SLC27A5: variants seen among roughly 807,000 people sequenced by gnomAD.
The protein encoded by SLC27A5 is long-chain fatty acid transport protein 5.
A neutral mutation model predicts 63.1 loss-of-function variants in SLC27A5; 47 were observed. The ratio of observed to expected loss-of-function variants is 0.74; its 90% CI spans 0.59 to 0.95. The LOEUF is 0.95. SLC27A5 is among the 40% of genes least tolerant of loss of function. The probability of loss-of-function intolerance (pLI) is 0.00; values close to 1 mark genes in which losing one functional copy is unlikely to be tolerated. For synonymous variants in SLC27A5, 391 were observed against 403.8 expected (o/e 0.97, Z 0.38); for missense variants, 940 against 921.0 (o/e 1.02, Z -0.27).
In SLC27A5 at chr19:58,498,829, C is replaced by T. The variant is rs757763999; in HGVS notation, c.1852G>A (p.Ala618Thr). 1.8e-5 allele frequency: 29 copies of T among 1,613,884 alleles called. No homozygotes were observed. The African/African-American group carries it at 2.5e-4, about 14-fold the overall frequency. The change falls in exon 9 of 10, where the codon GCT becomes ACT. Residue 618 changes from alanine (A) to threonine (T), a missense_variant. By Grantham distance (58) the Ala-to-Thr change is moderately conservative. Transcript: ENST00000263093. ...DGEKLYQHVR[A>T]WLPAYATPHF... ...GGGGTAGCGTAGGCAGGGAGCCAAG[C>T]GCGAACGTGCTGGTACAACTTCTCC... is the stretch of plus-strand genomic sequence containing the variant.
chr19:58,498,906 C>T lies in SLC27A5; in HGVS notation c.1775G>A (p.Gly592Asp). 1 of 1,612,386 alleles carries T rather than the reference C, an allele frequency of 6.2e-7. No homozygotes were observed. ...CTGCACAGCAGCCATGCCCACCTTA[C>T]CCTCACAACCTAGAGAGCAGTCTGG... ...VYGVCVPGCE[G>D]KVGMAAVQLA... Residue 592 changes from glycine (G) to aspartate (D), a missense_variant, in exon 9 of 10, where the codon GGT becomes GAT. Gly to Asp is a moderately conservative substitution (Grantham distance 94). Coordinates refer to ENST00000263093, the MANE Select transcript of SLC27A5 (RefSeq NM_012254.3).
Position 58,511,717 on chromosome 19 carries a change from A to G in SLC27A5, c.239T>C (p.Leu80Pro). ...ALALTLLPAR[L>P]PPGLRWLPAD... ...CGGCAGCCAGCGTAGTCCTGGGGGC[A>G]GCCGTGCTGGCAGGAGGGTTAGTGC... The change falls in exon 1 of 10, where the codon CTG becomes CCG. Residue 80 changes from leucine to proline, a missense_variant. Leu to Pro is a moderately conservative substitution (Grantham distance 98). Transcript: ENST00000263093. The G allele has an allele frequency of 6.4e-7, 1 of 1,558,870 alleles. No homozygotes were observed. The highest frequency in any genetic ancestry group is 8.7e-7 in the Non-Finnish European group (1 of 1,150,928).
intron 1 of SLC27A5, 108 bp downstream of exon 1, chr19:58,511,160 A>C: frequency 8.3e-7 from 1 of 1,198,624 alleles, no homozygotes; most frequent in Non-Finnish European, 1.1e-6. Context: ...ATTGCCTGTG[A>C]AAGTAGGCAG....
chr19:58,499,554 GT>G lies in SLC27A5; in HGVS notation c.1604del (p.Asp535AlafsTer67). The G allele has an allele frequency of 6.2e-7, 1 of 1,613,142 alleles. No homozygotes were observed. The highest frequency in any genetic ancestry group is 8.5e-7 in the Non-Finnish European group (1 of 1,180,014). On this transcript the variant is annotated frameshift_variant, in exon 7 of 10. Transcript: ENST00000263093. LOFTEE classifies it high-confidence loss of function. Reference protein sequence around the residue: ...QSGDVYYNTGDVLAMDREGFL... With the variant: ...QSGDVYYNTGXVLAMDREGFL... ...AGCCTTCGCGGTCCATGGCCAGTAC[GT>G]CCCCGGTGTTGTAGTAAACGTCGCC...
At position 58,506,094 on chromosome 19, in the gene SLC27A5, CT is replaced by C. The variant is rs879519627; in HGVS notation, c.1057+3752del. Among the ~76,000 whole-genome samples the C allele has an allele frequency of 8.0e-3, 1,114 of 139,550 alleles. 10 individuals are homozygous for C. The highest frequency in any genetic ancestry group is 0.06 in the East Asian group (286 of 4,746). The allele number at this position is 139,550 out of a possible 152,430, so 91.6% of individuals were successfully genotyped here. On this transcript the variant is annotated intron_variant, in intron 3 of 9. Transcript: ENST00000263093. ...CACAAGTGCTCACCACCATGCCTGG[CT>C]TTTTTTTTTTTTTAACAGATGGACT...
Position 58,498,487 on chromosome 19 carries a change from T to C in SLC27A5, c.*28A>G, listed in dbSNP as rs1167919119. 4 of 1,588,902 alleles carry C rather than the reference T, an allele frequency of 2.5e-6. No individual in the cohort carries two copies. The highest frequency in any genetic ancestry group is 3.4e-6 in the Non-Finnish European group (4 of 1,164,518). ...TTGGGGTGGGGGTGGCTGGCTTTGA[T>C]CCCTACCCCAGTGGGTTGGCCAGGT... is the stretch of plus-strand genomic sequence containing the variant. On this transcript the variant is annotated 3_prime_UTR_variant, in exon 10 of 10. Transcript: ENST00000263093.
intron 8 of SLC27A5, 43 bp from the exon 9 acceptor site, chr19:58,498,958 G>A (rs748284017): frequency 6.3e-7 from 1 of 1,596,564 alleles, no homozygotes. Flanking sequence ...CATCTCGAGG[G>A]CCCATAGCTG....
Position 58,501,357 on chromosome 19 carries a change from A to T in SLC27A5, c.1111T>A (p.Cys371Ser). ...KFSTSCFWDDCRQHGVTVILY... is the reference protein window; with the variant it reads ...KFSTSCFWDDSRQHGVTVILY... ...ATCACTGTCACGCCATGCTGCCGAC[A>T]GTCATCCCAGAAGCAGGAAGTAGAG... Residue 371 changes from cysteine to serine, a missense_variant, in exon 4 of 10, where the codon TGT (cysteine) becomes AGT (serine). Transcript: ENST00000263093. The T allele has an allele frequency of 6.2e-7, 1 of 1,613,718 alleles. No homozygotes were observed. Among genetic ancestry groups the T allele is most frequent in the South Asian group, 1.1e-5 (1 of 91,032 alleles).
chr19:58,501,332 A>T lies in SLC27A5; in HGVS notation c.1136T>A (p.Ile379Asn). ...CCGCAGGAGCTCGCCCACATACAGGATCACTGTCACGCCATGCTGCCGACA... is the reference window on the plus strand; with the variant it reads ...CCGCAGGAGCTCGCCCACATACAGGTTCACTGTCACGCCATGCTGCCGACA... ...DDCRQHGVTV[I>N]LYVGELLRYL... The change falls in exon 4 of 10, where the codon ATC becomes AAC. Residue 379 changes from isoleucine to asparagine, a missense_variant. Ile to Asn is a moderately radical substitution (Grantham distance 149). Coordinates refer to ENST00000263093, the MANE Select transcript of SLC27A5 (RefSeq NM_012254.3). 6.2e-7 allele frequency: 1 copy of T among 1,613,860 alleles called. No individual in the cohort carries two copies. Among genetic ancestry groups the T allele is most frequent in the Non-Finnish European group, 8.5e-7 (1 of 1,179,828 alleles).
chr19:58,509,665 G>T, intron 3 of SLC27A5, 182 bp downstream of exon 3: 1 of 533,262 alleles, frequency 1.9e-6, no homozygotes. Context: ...GGCCATCAGG[G>T]ACTGTGTGGG....
chr19:58,511,674 C>A lies in SLC27A5; in HGVS notation c.282G>T (p.Leu94Phe). ...TCAGGCCCAGGTGGAGGATCTTGGCCAAGAAGATCACATCAGCCGGCAGCC... is the reference window on the plus strand; with the variant it reads ...TCAGGCCCAGGTGGAGGATCTTGGCAAAGAAGATCACATCAGCCGGCAGCC... ...LRWLPADVIF[L>F]AKILHLGLKI... Residue 94 changes from leucine to phenylalanine, a missense_variant, in exon 1 of 10, where the codon TTG becomes TTT. Coordinates refer to ENST00000263093, the MANE Select transcript of SLC27A5 (RefSeq NM_012254.3). 1 of 1,585,924 alleles carries A rather than the reference C, an allele frequency of 6.3e-7. No homozygotes were observed. The highest frequency in any genetic ancestry group is 2.3e-5 in the East Asian group (1 of 43,498).
At chr19:58,507,671 T>C (rs1348832852) in intron 3 of SLC27A5, 2 of 152,172 alleles carry the variant, frequency 1.3e-5, no homozygotes, top group Non-Finnish European at 2.9e-5. Context: ...AGCCTATAAG[T>C]GGACGTGCAA....
intron 3 of SLC27A5, among the ~76,000 whole-genome samples, chr19:58,507,092 C>G (rs186259430): frequency 6.3e-4 from 95 of 150,804 alleles, no homozygotes; most frequent in African/African-American, 2.3e-3. Context: ...GGCGCGGTGG[C>G]TCATGCCTGT....
At chr19:58,500,967 G>A (rs1243337329) in intron 4 of SLC27A5, 1 of 1,350,888 alleles carries the variant, frequency 7.4e-7, no homozygotes, top group East Asian at 2.7e-5. Context: ...CTCATCTGGG[G>A]TCTCACCTAA....
chr19:58,503,204 T>TAAA (rs35752989), intron 3 of SLC27A5, among the ~76,000 whole-genome samples: 1 of 127,402 alleles, frequency 7.8e-6, no homozygotes, highest in Non-Finnish European at 1.7e-5. Flanking sequence ...GACTCTGTCT[T>TAAA]AAAAAAAAAA....
Position 58,510,731 on chromosome 19 carries a change from C to T in SLC27A5, c.888G>A (p.Ser296=), listed in dbSNP as rs150257534. 29 of 1,607,380 alleles carry T rather than the reference C, an allele frequency of 1.8e-5. No individual in the cohort carries two copies. The highest frequency in any genetic ancestry group is 8.9e-5 in the South Asian group (8 of 90,306). ...WRSPALFIYT[S]GTTGLPKPAI... The stretch of plus-strand genomic sequence containing the variant: ...AATGGGCACCCTCACCAGTGGTCCC[C>T]GAGGTATAGATGAAGAGGGCAGGGC... The change falls in exon 2 of 10, where the codon TCG becomes TCA. Residue 296 remains serine, a synonymous_variant. Coordinates refer to ENST00000263093, the MANE Select transcript of SLC27A5 (RefSeq NM_012254.3).
chr19:58,507,393 ATACTCT>A (rs1045626300), intron 3 of SLC27A5: 20 of 152,352 alleles, frequency 1.3e-4, no homozygotes, highest in Admixed American at 4.6e-4. Flanking sequence ...TTCCCAAATA[ATACTCT>A]TATAATTTCT....
At chr19:58,499,778 C>A in intron 6 of SLC27A5, 88 bp from the exon 7 acceptor site, 1 of 1,284,540 alleles carries the variant, frequency 7.8e-7, no homozygotes, top group Admixed American at 1.9e-5. Flanking sequence ...CTCTTCATCA[C>A]CCAGCACCCT....
In SLC27A5 at chr19:58,499,219, A is replaced by T; in HGVS notation, c.1669T>A (p.Trp557Arg). 1 of 1,613,370 alleles carries T rather than the reference A, an allele frequency of 6.2e-7. No individual in the cohort carries two copies. The highest frequency in any genetic ancestry group is 8.5e-7 in the Non-Finnish European group (1 of 1,179,760). Residue 557 changes from tryptophan (W) to arginine (R), a missense_variant and splice_region_variant, in exon 8 of 10, where the codon TGG (tryptophan) becomes AGG (arginine). By Grantham distance (101) the Trp-to-Arg change is moderately radical. Coordinates refer to ENST00000263093, the MANE Select transcript of SLC27A5 (RefSeq NM_012254.3). ...TGCGTGGACACGTTCTCGCCCTTCC[A>T]TCTGCAAGGAGGGAGCCGGCGCTTG... The part of the protein sequence containing the change: ...FRDRLGDTFR[W>R]KGENVSTHEV...
Sources: allele counts gnomAD v4.1 joint callset (sites outside exome capture counted in the v4.1 genomes callset), GRCh38; gene constraint gnomAD v4.1.1; transcripts MANE v1.5; gene names NCBI Gene and HGNC (gene_info 2026-07-23, HGNC 2026-07-21).